Variants in RFX7 observed in about 807,000 individuals in gnomAD.
RFX7 encodes regulatory factor X7.
Under a neutral mutation model 111.8 loss-of-function variants are expected in RFX7, and 26 were observed. The observed-to-expected ratio is 0.23, with a 90% CI of 0.17 to 0.32. The LOEUF (loss-of-function observed/expected upper bound fraction) is 0.32. Among genes scored for constraint, RFX7 ranks in the 10% least tolerant of loss-of-function variants. RFX7 has a pLI of 1.00. For missense variants in RFX7, 1,573 were observed against 1,772.9 expected (o/e 0.89, Z 2.02); for synonymous variants, 624 against 624.4 (o/e 1.00, Z 0.01).
chr15:56,243,053 G>GCCCCC, intron 2 of RFX7, 72 bp downstream of exon 2: 1 of 519,404 alleles, frequency 1.9e-6, no homozygotes, highest in Non-Finnish European at 3.3e-6. Context: ...CCCCCCGCCC[G>GCCCCC]CCGCCCCCCA....
At chr15:56,136,400 G>A (rs368831637) in intron 5 of RFX7, among the ~76,000 whole-genome samples, 1 of 146,342 alleles carries the variant, frequency 6.8e-6, no homozygotes, top group Non-Finnish European at 1.5e-5. Flanking sequence ...AGTTCACTCA[G>A]GATTTGGCTC....
chr15:56,096,809 A>G (rs2041685529), intron 9 of RFX7, among the ~76,000 whole-genome samples, 189 bp from the exon 10 acceptor site: 1 of 152,254 alleles, frequency 6.6e-6, no homozygotes, highest in Non-Finnish European at 1.5e-5. Flanking sequence ...AAATGCAACC[A>G]TAATGCATTA....
At chr15:56,115,201 A>C (rs2041994673) in intron 5 of RFX7, among the ~76,000 whole-genome samples, 1 of 152,094 alleles carries the variant, frequency 6.6e-6, no homozygotes, top group Non-Finnish European at 1.5e-5. Context: ...TACTAGAGAC[A>C]GGGATTTGCC....
At position 56,096,288 on chromosome 15, in the gene RFX7, G is replaced by A; in HGVS notation, c.1440C>T (p.Leu480=). 6.2e-7 allele frequency: 1 copy of A among 1,613,960 alleles called. No individual in the cohort carries two copies. The highest frequency in any genetic ancestry group is 8.5e-7 in the Non-Finnish European group (1 of 1,179,862). ...LNVVKMTTIS[L]TPSNSNTPLK... ...GAGGGGTGTTACTGTTGCTGGGTGTGAGGGATATTGTTGTCATTTTCACCA... is the reference window on the plus strand; with the variant it reads ...GAGGGGTGTTACTGTTGCTGGGTGTAAGGGATATTGTTGTCATTTTCACCA... The change falls in exon 10 of 10, where the codon CTC becomes CTT. Residue 480 remains leucine (L), a synonymous_variant. Coordinates refer to ENST00000559447, the MANE Select transcript of RFX7 (RefSeq NM_022841.7).
At chr15:56,243,040 G>GCGCCCCCCC in intron 2 of RFX7, 85 bp downstream of exon 2, 2 of 570,718 alleles carry the variant, frequency 3.5e-6, no homozygotes, top group Non-Finnish European at 6.2e-6. Context: ...CTCCTCCTCC[G>GCGCCCCCCC]CTCCCCCCGC....
intron 5 of RFX7, among the ~76,000 whole-genome samples, chr15:56,128,341 C>G (rs2042171310): frequency 6.6e-6 from 1 of 152,162 alleles, no homozygotes; most frequent in African/African-American, 2.4e-5. Context: ...TAACAAAAGA[C>G]TGACAAACTG....
chr15:56,129,246 A>G (rs1198872043), intron 5 of RFX7, among the ~76,000 whole-genome samples: 1 of 152,024 alleles, frequency 6.6e-6, no homozygotes, highest in Non-Finnish European at 1.5e-5. Context: ...GTGGTGGTGC[A>G]TGCCTGTAGT....
intron 2 of RFX7, among the ~76,000 whole-genome samples, chr15:56,195,172 T>G (rs1325116953): frequency 2.0e-5 from 3 of 152,156 alleles, no homozygotes; most frequent in Non-Finnish European, 2.9e-5. Flanking sequence ...GGTCACATAT[T>G]GTATGACTCC....
chr15:56,093,722 G>C lies in RFX7; in HGVS notation c.4006C>G (p.Gln1336Glu), dbSNP rs1279188332. Residue 1336 changes from glutamine (Q) to glutamate (E), a missense_variant, in exon 10 of 10, where the codon CAA (glutamine) becomes GAA (glutamate). Around this residue, in one of 7 missense-constraint regions of RFX7, gnomAD observed 411 missense variants for 478.1 expected, o/e 0.86. Coordinates refer to ENST00000559447, the MANE Select transcript of RFX7 (RefSeq NM_022841.7). ...AATTGTTGCTCTCCAATTTCTGATT[G>C]TGCTTGATTATCTCCAGGAGAAAAA... ...INFSPGDNQAQSEIGEQQLDF... is the reference protein window; with the variant it reads ...INFSPGDNQAESEIGEQQLDF... 6.2e-7 allele frequency: 1 copy of C among 1,613,646 alleles called. No homozygotes were observed. Among genetic ancestry groups the C allele is most frequent in the African/African-American group, 1.3e-5 (1 of 74,902 alleles).
rs149199263 is a variant in RFX7 at position 56,149,970 on chromosome 15, C to T, written c.196-5487G>A. Among the ~76,000 whole-genome samples, 490 of 149,198 alleles carry T rather than the reference C, an allele frequency of 3.3e-3. 1 individual carries two copies. Among genetic ancestry groups the T allele is most frequent in the Non-Finnish European group, 5.3e-3 (359 of 67,494 alleles). Reference sequence around the variant, plus strand: ...AACTAAGATCCGCTGGCTTGAAATTCTCGCTGCCAGCACAGCAGCAATCTG... The same window carrying T: ...AACTAAGATCCGCTGGCTTGAAATTTTCGCTGCCAGCACAGCAGCAATCTG... On this transcript the variant is annotated intron_variant, in intron 3 of 9. Coordinates refer to ENST00000559447, the MANE Select transcript of RFX7 (RefSeq NM_022841.7).
At chr15:56,111,339 T>C (rs1325501232) in intron 5 of RFX7, among the ~76,000 whole-genome samples, 1 of 152,090 alleles carries the variant, frequency 6.6e-6, no homozygotes, top group African/African-American at 2.4e-5. Context: ...TGTTGATCTG[T>C]GACCTTACCC....
At chr15:56,211,370 A>G (rs1284389908) in intron 2 of RFX7, among the ~76,000 whole-genome samples, 3 of 152,138 alleles carry the variant, frequency 2.0e-5, no homozygotes, top group Non-Finnish European at 4.4e-5. Context: ...AAACAAAAAC[A>G]CTAGAGACAG....
intron 3 of RFX7, among the ~76,000 whole-genome samples, chr15:56,152,118 A>T (rs2042577961): frequency 2.0e-5 from 3 of 152,216 alleles, no homozygotes; most frequent in Admixed American, 2.0e-4. Flanking sequence ...GGAGACTTTA[A>T]CACCCCACTG....
intron 4 of RFX7, among the ~76,000 whole-genome samples, chr15:56,143,477 C>T (rs2042429313): frequency 6.6e-6 from 1 of 151,984 alleles, no homozygotes; most frequent in Non-Finnish European, 1.5e-5. Context: ...TCTCCCCCTA[C>T]AATCCTTCCT....
chr15:56,189,110 C>T (rs377359311), intron 2 of RFX7, among the ~76,000 whole-genome samples: 14 of 152,326 alleles, frequency 9.2e-5, no homozygotes, highest in East Asian at 5.8e-4. Context: ...TGAGGCACTG[C>T]GCCCCACTGC....
intron 2 of RFX7, among the ~76,000 whole-genome samples, chr15:56,188,026 T>A (rs556201148): frequency 2.6e-5 from 4 of 152,246 alleles, no homozygotes; most frequent in Non-Finnish European, 4.4e-5. Context: ...AGACAAGGAC[T>A]TCAAAGCAAG....
intron 2 of RFX7, among the ~76,000 whole-genome samples, chr15:56,218,407 C>T (rs2043389383): frequency 1.3e-5 from 2 of 152,226 alleles, no homozygotes; most frequent in South Asian, 4.2e-4. Flanking sequence ...GCTGGGATTA[C>T]AGGCGTGAGC....
intron 2 of RFX7, among the ~76,000 whole-genome samples, chr15:56,183,670 A>C (rs1312973338): frequency 3.3e-5 from 5 of 152,178 alleles, no homozygotes; most frequent in Non-Finnish European, 7.4e-5. Flanking sequence ...GTTCATTTCC[A>C]AAACAGTCTT....
intron 3 of RFX7, among the ~76,000 whole-genome samples, chr15:56,169,256 A>G (rs1261273008): frequency 6.6e-6 from 1 of 152,178 alleles, no homozygotes; most frequent in Non-Finnish European, 1.5e-5. Flanking sequence ...GGTGATTCCA[A>G]ACTTTCTCCA....
Sources: gnomAD v4.1 joint callset for allele counts (sites outside exome capture counted in the v4.1 genomes callset) on GRCh38, gnomAD v4.1.1 for gene constraint, gnomAD v4.1.1 regional missense constraint, MANE v1.5 for transcripts, NCBI Gene and HGNC (gene_info 2026-07-23, HGNC 2026-07-21) for gene names.